Variants in ENOPH1 observed in about 807,000 individuals in gnomAD.
The protein encoded by ENOPH1 is enolase-phosphatase E1.
A neutral mutation model predicts 31.1 loss-of-function variants in ENOPH1; 14 were observed. That is an observed-to-expected ratio of 0.45 (90% CI 0.30 to 0.70). ENOPH1 has a LOEUF of 0.70. Among genes scored for constraint, ENOPH1 ranks in the 30% least tolerant of loss-of-function variants. The pLI, the probability that ENOPH1 is intolerant of heterozygous loss-of-function variation, is 0.09. For synonymous variants in ENOPH1, 127 were observed against 123.2 expected, an observed-to-expected ratio of 1.03 and a Z score of -0.21; for missense variants, 243 against 321.5, an observed-to-expected ratio of 0.76 and a Z score of 1.87.
chr4:82,450,511 T>C (rs1160925762), intron 2 of ENOPH1, among the ~76,000 whole-genome samples: 1 of 152,236 alleles, frequency 6.6e-6, no homozygotes, highest in South Asian at 2.1e-4. Context: ...CATGTATCTT[T>C]AGAAATTGGA....
chr4:82,432,791 C>G (rs7673156), intron 1 of ENOPH1, among the ~76,000 whole-genome samples: 4 of 152,028 alleles, frequency 2.6e-5, no homozygotes, highest in Non-Finnish European at 5.9e-5. Context: ...AGACGCGCAC[C>G]ACCACGCCCG....
chr4:82,441,392 G>A (rs1300097679), intron 1 of ENOPH1, among the ~76,000 whole-genome samples: 1 of 152,176 alleles, frequency 6.6e-6, no homozygotes, highest in Non-Finnish European at 1.5e-5. Flanking sequence ...GGAGGCCAAG[G>A]TGGGCAGATC....
At chr4:82,445,008 A>G (rs568145783) in intron 1 of ENOPH1, among the ~76,000 whole-genome samples, 283 of 152,348 alleles carry the variant, frequency 1.9e-3, no homozygotes, top group African/African-American at 6.5e-3. Flanking sequence ...GCTTAAGCTC[A>G]GGAGTTCAAG....
intron 3 of ENOPH1, among the ~76,000 whole-genome samples, chr4:82,453,652 T>C (rs1722410307): frequency 6.6e-6 from 1 of 152,192 alleles, no homozygotes; most frequent in African/African-American, 2.4e-5. Context: ...AGCGGAAGAC[T>C]CCACTGACAT....
intron 5 of ENOPH1, among the ~76,000 whole-genome samples, chr4:82,458,396 A>T (rs1000491471): frequency 2.0e-5 from 3 of 151,928 alleles, no homozygotes; most frequent in Non-Finnish European, 4.4e-5. Context: ...AATCCTGGCT[A>T]CTCGGCTGGG....
At chr4:82,453,877 T>G (rs1722416170) in intron 3 of ENOPH1, among the ~76,000 whole-genome samples, 1 of 152,084 alleles carries the variant, frequency 6.6e-6, no homozygotes, top group South Asian at 2.1e-4. Context: ...TATGTAATTT[T>G]TTCCCCATAT....
intron 1 of ENOPH1, among the ~76,000 whole-genome samples, chr4:82,432,042 G>C (rs998514256): frequency 1.3e-5 from 2 of 151,552 alleles, no homozygotes; most frequent in Admixed American, 1.3e-4. Flanking sequence ...CCAGCCTCTC[G>C]AGTAGTTGGG....
At chr4:82,435,875 A>G (rs575291732) in intron 1 of ENOPH1, among the ~76,000 whole-genome samples, 199 of 152,318 alleles carry the variant, frequency 1.3e-3, no homozygotes, top group African/African-American at 4.8e-3. Flanking sequence ...TTTCATCCGC[A>G]GGGATGGGCT....
intron 1 of ENOPH1, among the ~76,000 whole-genome samples, chr4:82,443,376 G>A (rs528671775): frequency 6.6e-6 from 1 of 150,798 alleles, no homozygotes; most frequent in Non-Finnish European, 1.5e-5. Flanking sequence ...AGACGAAGTT[G>A]CAGTGAGCCA....
At chr4:82,443,795 C>G (rs894477650) in intron 1 of ENOPH1, among the ~76,000 whole-genome samples, 1 of 151,910 alleles carries the variant, frequency 6.6e-6, no homozygotes, top group Non-Finnish European at 1.5e-5. Flanking sequence ...CTAAAAAATA[C>G]TAAGTTCTCA....
chr4:82,449,343 A>G (rs1222828218), intron 2 of ENOPH1, among the ~76,000 whole-genome samples: 3 of 152,230 alleles, frequency 2.0e-5, no homozygotes, highest in Non-Finnish European at 4.4e-5. Context: ...TGCTGTAAAG[A>G]AATACCTGAG....
At chr4:82,450,891 T>G in intron 2 of ENOPH1, 152 bp from the exon 3 acceptor site, 1 of 605,956 alleles carries the variant, frequency 1.7e-6, no homozygotes, top group East Asian at 2.8e-5. Context: ...AGGAATCATT[T>G]GTATCAGCTC....
chr4:82,451,189 A>C lies in ENOPH1; in HGVS notation c.333A>C (p.Lys111Asn). ...TGGATCGAAAGACCACTGCACTCAAACAGCTGCAGGGCCACATGTGGAGGG... is the reference window on the plus strand; with the variant it reads ...TGGATCGAAAGACCACTGCACTCAACCAGCTGCAGGGCCACATGTGGAGGG... ...MSLDRKTTAL[K>N]QLQGHMWRAA... Residue 111 changes from lysine (K) to asparagine (N), a missense_variant, in exon 3 of 6, where the codon AAA (lysine) becomes AAC (asparagine). Coordinates refer to ENST00000273920, the MANE Select transcript of ENOPH1 (RefSeq NM_021204.5). The C allele has an allele frequency of 6.2e-7, 1 of 1,614,210 alleles. No homozygotes were observed. The highest frequency in any genetic ancestry group is 8.5e-7 in the Non-Finnish European group (1 of 1,180,024).
chr4:82,438,772 C>T (rs1721970229), intron 1 of ENOPH1, among the ~76,000 whole-genome samples: 1 of 152,026 alleles, frequency 6.6e-6, no homozygotes, highest in Non-Finnish European at 1.5e-5. Flanking sequence ...AAAATGATAC[C>T]CTGTGTTTAG....
intron 1 of ENOPH1, among the ~76,000 whole-genome samples, chr4:82,443,947 CT>C (rs1722109322): frequency 6.6e-6 from 1 of 152,052 alleles, no homozygotes; most frequent in Admixed American, 6.6e-5. Context: ...GTGATCTCAG[CT>C]CACTACAACT....
chr4:82,430,895 C>T lies in ENOPH1; in HGVS notation c.66C>T (p.Thr22=). The change falls in exon 1 of 6, where the codon ACC becomes ACT. Residue 22 remains threonine (T), a synonymous_variant. Transcript: ENST00000273920. ...TGTTAGATATCGAAGGTACCACAACCCCGATTGCTTTCGTGAAGGTGAGGG... is the reference window on the plus strand; with the variant it reads ...TGTTAGATATCGAAGGTACCACAACTCCGATTGCTTTCGTGAAGGTGAGGG... ...VILLDIEGTT[T]PIAFVKDILF... 6.2e-7 allele frequency: 1 copy of T among 1,614,202 alleles called. No individual in the cohort carries two copies.
intron 3 of ENOPH1, among the ~76,000 whole-genome samples, chr4:82,453,335 G>T (rs1274694663): frequency 6.6e-6 from 1 of 152,180 alleles, no homozygotes; most frequent in Admixed American, 6.5e-5. Context: ...TTTACGAGGA[G>T]CTTCTACCTT....
At chr4:82,454,418 C>G (rs1722430466) in intron 3 of ENOPH1, among the ~76,000 whole-genome samples, 2 of 152,024 alleles carry the variant, frequency 1.3e-5, no homozygotes, top group African/African-American at 4.8e-5. Context: ...TTTTTGAGTT[C>G]TTCGGGAATT....
chr4:82,448,182 A>G (rs1018578499), intron 2 of ENOPH1, among the ~76,000 whole-genome samples, 161 bp downstream of exon 2: 21 of 152,160 alleles, frequency 1.4e-4, no homozygotes, highest in Admixed American at 7.8e-4. Flanking sequence ...TTCACAGTAC[A>G]TAATTAAAGG....
Sources: allele counts gnomAD v4.1 joint callset (sites outside exome capture counted in the v4.1 genomes callset), GRCh38; gene constraint gnomAD v4.1.1; transcripts MANE v1.5; gene names NCBI Gene and HGNC (gene_info 2026-07-23, HGNC 2026-07-21).